NELFB: variants seen among roughly 807,000 people sequenced by gnomAD.
The protein encoded by NELFB is negative elongation factor B.
NELFB carries 34 observed loss-of-function variants against 60.2 expected under a neutral mutation model. The ratio of observed to expected loss-of-function variants is 0.56; its 90% CI spans 0.43 to 0.75. The LOEUF (loss-of-function observed/expected upper bound fraction) is 0.75. Ranked by LOEUF, NELFB falls within the 30% of genes least tolerant of loss-of-function variation. The pLI is 0.00. For missense variants in NELFB, 770 were observed against 831.6 expected, an observed-to-expected ratio of 0.93 and a Z score of 0.91; for synonymous variants, 459 against 382.1, an observed-to-expected ratio of 1.20 and a Z score of -2.35.
At chr9:137,260,985 G>C (rs928619852) in intron 4 of NELFB, among the ~76,000 whole-genome samples, 2 of 151,616 alleles carry the variant, frequency 1.3e-5, no homozygotes, top group Non-Finnish European at 2.9e-5. Context: ...CTTGAACCCG[G>C]GAGGTGGAGG....
In NELFB at chr9:137,255,530, C is replaced by G. The variant is rs1322811533; in HGVS notation, c.165C>G (p.Asp55Glu). 3 of 1,546,940 alleles carry G rather than the reference C, an allele frequency of 1.9e-6. No homozygotes were observed. Among genetic ancestry groups the G allele is most frequent in the Non-Finnish European group, 1.7e-6 (2 of 1,146,148 alleles). Residue 55 changes from aspartate to glutamate, a missense_variant, in exon 1 of 13, where the codon GAC (aspartate) becomes GAG (glutamate). Physicochemically the swap from Asp to Glu is conservative, Grantham distance 45 (BLOSUM62 2). Transcript: ENST00000343053. The stretch of plus-strand genomic sequence containing the variant: ...CGGCCATGTTCGCGGGGCTGCAGGA[C>G]CTGGGCGTGGCCAACGGCGAGGACC...
chr9:137,271,978 T>G (rs1192220233), intron 10 of NELFB, 103 bp from the exon 11 acceptor site: 1 of 1,462,628 alleles, frequency 6.8e-7, no homozygotes, highest in Non-Finnish European at 9.4e-7. Context: ...AGAACTCTCA[T>G]GTGAGCACCC....
Position 137,272,589 on chromosome 9 carries a change from C to T in NELFB, c.1714C>T (p.Gln572Ter), listed in dbSNP as rs1489564888. Reference sequence around the variant, plus strand: ...GGCCCCGTCTAAGCTGGAGGCGTTGCAGAAGGCCCTGGAGCCTACAGGCCA... The same window carrying T: ...GGCCCCGTCTAAGCTGGAGGCGTTGTAGAAGGCCCTGGAGCCTACAGGCCA... Residue 572 changes from glutamine (Q) to a stop codon, truncating the protein, a stop_gained, in exon 12 of 13, where the codon CAG becomes TAG. Coordinates refer to ENST00000343053, the MANE Select transcript of NELFB (RefSeq NM_015456.5). LOFTEE classifies it high-confidence loss of function. The T allele has an allele frequency of 1.2e-6, 2 of 1,607,202 alleles. No individual in the cohort carries two copies. Among genetic ancestry groups the T allele is most frequent in the Admixed American group, 1.7e-5 (1 of 59,326 alleles).
chr9:137,265,774 G>A (rs1282986248), intron 6 of NELFB, 103 bp from the exon 7 acceptor site: 9 of 760,502 alleles, frequency 1.2e-5, no homozygotes, highest in East Asian at 7.7e-5. Flanking sequence ...ATGGGCACCC[G>A]CTGCCAGTCC....
At chr9:137,271,753 T>G (rs1830586467) in intron 10 of NELFB, among the ~76,000 whole-genome samples, 1 of 152,030 alleles carries the variant, frequency 6.6e-6, no homozygotes, top group African/African-American at 2.4e-5. Flanking sequence ...TTTTTCTGTC[T>G]CCTTCTTCCT....
At chr9:137,260,642 G>A (rs955250877) in intron 4 of NELFB, among the ~76,000 whole-genome samples, 3 of 151,440 alleles carry the variant, frequency 2.0e-5, no homozygotes, top group Non-Finnish European at 4.4e-5. Context: ...TAGTAGAGAT[G>A]GGGTTTCACC....
chr9:137,271,669 C>A (rs905427692), intron 10 of NELFB, among the ~76,000 whole-genome samples: 15 of 152,220 alleles, frequency 9.9e-5, no homozygotes, highest in Non-Finnish European at 1.2e-4. Flanking sequence ...TGGCGCCGGC[C>A]CTGTATTTGT....
At chr9:137,271,435 G>A (rs1435263119) in intron 10 of NELFB, among the ~76,000 whole-genome samples, 3 of 152,264 alleles carry the variant, frequency 2.0e-5, no homozygotes, top group South Asian at 2.1e-4. Context: ...GCAGGCGGCC[G>A]CCCTCCCTCC....
chr9:137,261,851 C>T (rs533782684), intron 4 of NELFB, among the ~76,000 whole-genome samples: 5 of 151,526 alleles, frequency 3.3e-5, no homozygotes, highest in Admixed American at 6.6e-5. Context: ...TGTCAGGCTG[C>T]GCTGATATTT....
In NELFB at chr9:137,267,026, T is replaced by C. The variant is rs1398432939; in HGVS notation, c.1322T>C (p.Leu441Pro). The C allele has an allele frequency of 1.2e-6, 2 of 1,613,960 alleles. No individual in the cohort carries two copies. Among genetic ancestry groups the C allele is most frequent in the Non-Finnish European group, 1.7e-6 (2 of 1,180,016 alleles). The stretch of plus-strand genomic sequence containing the variant: ...TACACTTTCAATGTGGATCAGAAAC[T>C]TCCGGCTGAGGAGAAAGCCCCAGTC... Residue 441 changes from leucine (L) to proline (P), a missense_variant, in exon 9 of 13, where the codon CTT becomes CCT. Physicochemically the swap from Leu to Pro is moderately conservative, Grantham distance 98. Coordinates refer to ENST00000343053, the MANE Select transcript of NELFB (RefSeq NM_015456.5).
In NELFB at chr9:137,267,319, G is replaced by A. The variant is rs763352499; in HGVS notation, c.1462G>A (p.Ala488Thr). Residue 488 changes from alanine to threonine, a missense_variant, in exon 10 of 13, where the codon GCG (alanine) becomes ACG (threonine). Transcript: ENST00000343053. ...CATCACCAAGCAGAGGAACAAGAAC[G>A]CGCTCCTCCGCCTGCTGCCCGGGCT... is the stretch of plus-strand genomic sequence containing the variant. 3.0e-5 allele frequency: 49 copies of A among 1,612,590 alleles called. No homozygotes were observed. The highest frequency in any genetic ancestry group is 2.7e-4 in the Admixed American group (16 of 59,890).
chr9:137,261,512 G>A (rs1182300617), intron 4 of NELFB, among the ~76,000 whole-genome samples: 1 of 151,856 alleles, frequency 6.6e-6, no homozygotes, highest in Non-Finnish European at 1.5e-5. Context: ...CAAAAAATTA[G>A]CCAGTCATGG....
Position 137,257,782 on chromosome 9 carries a change from G to A in NELFB, c.741+728G>A, listed in dbSNP as rs1166934850. 4.3e-5 allele frequency among the ~76,000 whole-genome samples: 6 copies of A among 138,942 alleles called. No individual in the cohort carries two copies. In the East Asian group the frequency reaches 1.2e-3, roughly 28 times the overall value. The allele number at this position is 138,942 out of a possible 152,430, so 91.2% of individuals were successfully genotyped here. A position where few individuals can be genotyped will look rare whatever the true frequency, so the allele number is the denominator to read the frequency against. ...CTCCCAAAGTGCTGGGATTACAGGG[G>A]TGAGCCACCGTGCCTGGCTTTTTTT... On this transcript the variant is annotated intron_variant, in intron 4 of 12. Coordinates refer to ENST00000343053, the MANE Select transcript of NELFB (RefSeq NM_015456.5).
chr9:137,266,043 G>T, intron 7 of NELFB, 64 bp downstream of exon 7: 1 of 1,322,736 alleles, frequency 7.6e-7, no homozygotes, highest in Non-Finnish European at 1.1e-6. Context: ...TGCTCTGGGT[G>T]GTCAGGGTGT....
Position 137,256,313 on chromosome 9 carries a change from C to G in NELFB, c.411-16C>G. ...TTGGCGCATCGCTGCACCATCAATCCTGTGAGTTGTTCCAGGTACAAGAAG... is the reference window on the plus strand; with the variant it reads ...TTGGCGCATCGCTGCACCATCAATCGTGTGAGTTGTTCCAGGTACAAGAAG... On this transcript the variant is annotated splice_polypyrimidine_tract_variant and intron_variant, in intron 2 of 12. Transcript: ENST00000343053. 6.2e-7 allele frequency: 1 copy of G among 1,611,256 alleles called. No individual in the cohort carries two copies. Among genetic ancestry groups the G allele is most frequent in the Non-Finnish European group, 8.5e-7 (1 of 1,177,670 alleles).
chr9:137,258,718 G>C (rs1353381670), intron 4 of NELFB, among the ~76,000 whole-genome samples: 1 of 152,082 alleles, frequency 6.6e-6, no homozygotes, highest in Non-Finnish European at 1.5e-5. Context: ...GCCTCCCAAA[G>C]TGCTGGGATT....
chr9:137,268,337 G>C (rs1185328493), intron 10 of NELFB, among the ~76,000 whole-genome samples: 1 of 152,236 alleles, frequency 6.6e-6, no homozygotes, highest in African/African-American at 2.4e-5. Flanking sequence ...TGTAATCCCA[G>C]TGCTTTGGGA....
chr9:137,256,500 C>T, intron 3 of NELFB, 72 bp downstream of exon 3: 5 of 1,357,590 alleles, frequency 3.7e-6, no homozygotes, highest in Admixed American at 1.7e-5. Context: ...AGTGGAAGTT[C>T]CGGTGGCCGC....
Position 137,272,877 on chromosome 9 carries a change from G to T in NELFB, c.1836G>T (p.Thr612=). 1 of 1,547,788 alleles carries T rather than the reference G, an allele frequency of 6.5e-7. No individual in the cohort carries two copies. Among genetic ancestry groups the T allele is most frequent in the East Asian group, 2.4e-5 (1 of 40,846 alleles). Residue 612 remains threonine (T), a synonymous_variant, in exon 13 of 13, where the codon ACG becomes ACT. Coordinates refer to ENST00000343053, the MANE Select transcript of NELFB (RefSeq NM_015456.5). ...CCAGCCCGGCACAGGCTGCGGAGAC[G>T]CCGGCCCTGGAGCTGCCCCTCCCCA... is the stretch of plus-strand genomic sequence containing the variant.
Sources: allele counts gnomAD v4.1 joint callset (sites outside exome capture counted in the v4.1 genomes callset), GRCh38; gene constraint gnomAD v4.1.1; transcripts MANE v1.5; gene names NCBI Gene and HGNC (gene_info 2026-07-23, HGNC 2026-07-21).